Variants in MCTP1 observed in about 807,000 individuals in gnomAD.
MCTP1 encodes multiple C2 and transmembrane domain containing 1, also known as multiple C2 and transmembrane domain-containing protein 1.
MCTP1 carries 69 observed loss-of-function variants against 120.6 expected under a neutral mutation model. The ratio of observed to expected loss-of-function variants is 0.57; its 90% CI spans 0.47 to 0.70. The LOEUF (loss-of-function observed/expected upper bound fraction) is 0.70, where lower values mean the gene tolerates loss of function less well. Among genes scored for constraint, MCTP1 ranks in the 30% least tolerant of loss-of-function variants. The pLI, the probability that MCTP1 is intolerant of heterozygous loss-of-function variation, is 0.00. For synonymous variants in MCTP1, 529 were observed against 493.1 expected, an observed-to-expected ratio of 1.07 and a Z score of -0.96; for missense variants, 1,203 against 1,248.8, an observed-to-expected ratio of 0.96 and a Z score of 0.55.
At chr5:95,248,388 G>A (rs955569995) in intron 1 of MCTP1, among the ~76,000 whole-genome samples, 1 of 151,900 alleles carries the variant, frequency 6.6e-6, no homozygotes, top group African/African-American at 2.4e-5. Context: ...AATAGACAGA[G>A]AGCCAAATCA....
intron 5 of MCTP1, among the ~76,000 whole-genome samples, chr5:94,936,480 T>C (rs1816234009): frequency 6.6e-6 from 1 of 152,032 alleles, no homozygotes; most frequent in South Asian, 2.1e-4. Context: ...ACATTGCTTG[T>C]TGGAGAGCCT....
chr5:95,077,788 T>C (rs1419445009), intron 1 of MCTP1, among the ~76,000 whole-genome samples: 1 of 152,174 alleles, frequency 6.6e-6, no homozygotes, highest in Non-Finnish European at 1.5e-5. Context: ...TTATATATAA[T>C]TTTAAAAACT....
chr5:94,967,518 T>G (rs1241445759), intron 2 of MCTP1, among the ~76,000 whole-genome samples: 2 of 152,230 alleles, frequency 1.3e-5, no homozygotes, highest in Non-Finnish European at 2.9e-5. Context: ...CTTCTCATGC[T>G]GGGTGTCATA....
intron 1 of MCTP1, among the ~76,000 whole-genome samples, chr5:95,107,287 A>G (rs1757149070): frequency 1.3e-5 from 2 of 152,238 alleles, no homozygotes; most frequent in Non-Finnish European, 2.9e-5. Context: ...TCACATAATG[A>G]ATCGGGTACT....
At chr5:95,127,572 C>T (rs1758729045) in intron 1 of MCTP1, among the ~76,000 whole-genome samples, 1 of 152,054 alleles carries the variant, frequency 6.6e-6, no homozygotes, top group Admixed American at 6.5e-5. Context: ...TTCTAACAAC[C>T]CATCGAGTCA....
At chr5:95,046,887 A>G (rs1293146902) in intron 1 of MCTP1, among the ~76,000 whole-genome samples, 2 of 151,690 alleles carry the variant, frequency 1.3e-5, no homozygotes, top group Non-Finnish European at 2.9e-5. Context: ...GGCTCTATCA[A>G]ATTGATTTGA....
chr5:94,800,077 T>A (rs1780887191), intron 17 of MCTP1, among the ~76,000 whole-genome samples: 1 of 152,180 alleles, frequency 6.6e-6, no homozygotes, highest in Non-Finnish European at 1.5e-5. Flanking sequence ...GCAACGTATA[T>A]ATCCCCTCTT....
intron 1 of MCTP1, chr5:95,081,610 G>A: frequency 6.4e-6 from 9 of 1,399,234 alleles, no homozygotes; most frequent in Non-Finnish European, 8.4e-6. Flanking sequence ...GCCCTGCACG[G>A]AGCACTTGCT....
At chr5:94,963,387 T>C (rs1824801116) in intron 2 of MCTP1, among the ~76,000 whole-genome samples, 1 of 150,920 alleles carries the variant, frequency 6.6e-6, no homozygotes, top group African/African-American at 2.4e-5. Context: ...CTCCATACTG[T>C]TTTCCTTAAT....
chr5:94,703,995 AAG>A lies in MCTP1; in HGVS notation c.*3499_*3500del, dbSNP rs1435869205. On this transcript the variant is annotated 3_prime_UTR_variant, in exon 23 of 23. Coordinates refer to ENST00000515393, the MANE Select transcript of MCTP1 (RefSeq NM_024717.7). ...AGGGTAACATTTTCACCAAAAAAAAAAGAAAAAAAAATGTTTTGTTTTCTTTC... is the reference window on the plus strand; with the variant it reads ...AGGGTAACATTTTCACCAAAAAAAAAAAAAAAAAATGTTTTGTTTTCTTTC... The A allele has an allele frequency of 5.9e-5, 7 of 117,698 alleles. No individual in the cohort carries two copies. The highest frequency in any genetic ancestry group is 5.1e-4 in the Admixed American group (6 of 11,654). The allele number at this position is 117,698 out of a possible 1,614,324, so 7.3% of individuals were successfully genotyped here.
At chr5:95,164,280 C>T (rs1043654232) in intron 1 of MCTP1, among the ~76,000 whole-genome samples, 1 of 149,160 alleles carries the variant, frequency 6.7e-6, no homozygotes, top group African/African-American at 2.4e-5. Flanking sequence ...CTGTAAATCA[C>T]TTTCCTTTCT....
chr5:94,997,935 T>A (rs1832932737), intron 2 of MCTP1, among the ~76,000 whole-genome samples: 1 of 152,156 alleles, frequency 6.6e-6, no homozygotes, highest in Non-Finnish European at 1.5e-5. Context: ...AATACACACA[T>A]ACTGAGATAA....
intron 19 of MCTP1, among the ~76,000 whole-genome samples, chr5:94,756,014 A>G (rs1769755413): frequency 6.6e-6 from 1 of 152,132 alleles, no homozygotes; most frequent in African/African-American, 2.4e-5. Flanking sequence ...CAACTTGACA[A>G]TTTTCCTGGG....
At chr5:95,277,230 C>T (rs932466321) in intron 1 of MCTP1, among the ~76,000 whole-genome samples, 4 of 152,130 alleles carry the variant, frequency 2.6e-5, no homozygotes, top group African/African-American at 9.7e-5. Flanking sequence ...CCGGAGACCT[C>T]AGAAGTAGGA....
intron 1 of MCTP1, among the ~76,000 whole-genome samples, chr5:95,070,704 T>C (rs984805785): frequency 6.6e-6 from 1 of 152,168 alleles, no homozygotes; most frequent in African/African-American, 2.4e-5. Flanking sequence ...TGTGTGAGAC[T>C]GGGGCAGACT....
intron 1 of MCTP1, among the ~76,000 whole-genome samples, chr5:95,066,363 G>A (rs1180622297): frequency 6.6e-6 from 1 of 152,182 alleles, no homozygotes; most frequent in Non-Finnish European, 1.5e-5. Context: ...TGTTGGCAAG[G>A]ATGTGAAGAA....
intron 1 of MCTP1, among the ~76,000 whole-genome samples, chr5:95,233,784 T>C (rs184884976): frequency 6.6e-6 from 1 of 152,126 alleles, no homozygotes; most frequent in African/African-American, 2.4e-5. Flanking sequence ...ATGTCTATAA[T>C]AGAAAAGCAA....
chr5:94,749,661 A>C (rs1767813251), intron 19 of MCTP1, among the ~76,000 whole-genome samples: 1 of 67,324 alleles, frequency 1.5e-5, no homozygotes, highest in Non-Finnish European at 3.9e-5. Context: ...TCTCAAAAAA[A>C]AAAAAAAAAA....
intron 10 of MCTP1, among the ~76,000 whole-genome samples, chr5:94,903,225 C>T (rs1338048777): frequency 6.6e-6 from 1 of 151,942 alleles, no homozygotes; most frequent in Non-Finnish European, 1.5e-5. Flanking sequence ...TGTCCTTGTG[C>T]TTTCAGATTA....
Sources: allele counts gnomAD v4.1 joint callset (sites outside exome capture counted in the v4.1 genomes callset), GRCh38; gene constraint gnomAD v4.1.1; transcripts MANE v1.5; gene names NCBI Gene and HGNC (gene_info 2026-07-23, HGNC 2026-07-21).